Variants in CHODL observed in about 807,000 individuals in gnomAD.
The protein encoded by CHODL is chondrolectin.
CHODL carries 29 observed loss-of-function variants against 34.5 expected under a neutral mutation model. The ratio of observed to expected loss-of-function variants is 0.84; its 90% CI spans 0.63 to 1.15. The LOEUF is 1.15. Ranked by LOEUF, CHODL falls within the 50% of genes most tolerant of loss-of-function variation. CHODL has a pLI of 0.00. For missense variants in CHODL, 332 were observed against 332.5 expected, an observed-to-expected ratio of 1.00 and a Z score of 0.01; for synonymous variants, 125 against 116.1, an observed-to-expected ratio of 1.08 and a Z score of -0.49.
At chr21:18,142,945 G>A (rs556086469) in intron 2 of CHODL, among the ~76,000 whole-genome samples, 1 of 152,114 alleles carries the variant, frequency 6.6e-6, no homozygotes, top group Non-Finnish European at 1.5e-5. Context: ...AAGCCCTAAG[G>A]TTTTAGAATC....
chr21:18,102,671 T>C (rs1433869047), intron 2 of CHODL, among the ~76,000 whole-genome samples: 2 of 152,202 alleles, frequency 1.3e-5, no homozygotes, highest in Admixed American at 6.5e-5. Context: ...TTTATAATTG[T>C]CTAACCCTTT....
Position 18,208,289 on chromosome 21 carries a change from C to T in CHODL, c.-44-48220C>T, listed in dbSNP as rs1464410609. The stretch of plus-strand genomic sequence containing the variant: ...GACTCTGAAACATTCTTCAGTATGT[C>T]AATTGTATTTTTCGACTCCAGAATT... On this transcript the variant is annotated intron_variant, in intron 2 of 6. Coordinates refer to the CHODL transcript ENST00000400127. Among the ~76,000 whole-genome samples, 3 of 151,354 alleles carry T rather than the reference C, an allele frequency of 2.0e-5. No homozygotes were observed. The South Asian group carries it at 6.2e-4, about 31-fold the overall frequency.
chr21:18,251,721 ATAAATATTTATTT>A (rs2074256873), intron 1 of CHODL, among the ~76,000 whole-genome samples: 1 of 141,090 alleles, frequency 7.1e-6, no homozygotes, highest in African/African-American at 2.6e-5. Flanking sequence ...AATATATAAA[ATAAATATTTATTT>A]TATTTATTTT....
At chr21:18,084,248 G>A (rs1336558348) in intron 2 of CHODL, among the ~76,000 whole-genome samples, 1 of 152,024 alleles carries the variant, frequency 6.6e-6, no homozygotes, top group Admixed American at 6.5e-5. Flanking sequence ...AGTTACCTGA[G>A]GCTTCCCAGT....
At chr21:18,195,934 GAGA>G in intron 2 of CHODL, among the ~76,000 whole-genome samples, 1 of 152,132 alleles carries the variant, frequency 6.6e-6, no homozygotes, top group Non-Finnish European at 1.5e-5. Flanking sequence ...GGGTTATGAG[GAGA>G]AGGTCAGAGG....
chr21:18,187,786 T>C (rs972401391), intron 2 of CHODL, among the ~76,000 whole-genome samples: 3 of 152,304 alleles, frequency 2.0e-5, no homozygotes, highest in Admixed American at 1.3e-4. Flanking sequence ...TATCATTGGT[T>C]CCTTCCTCTC....
At chr21:17,986,777 C>T (rs1475670943) in intron 1 of CHODL, among the ~76,000 whole-genome samples, 2 of 152,166 alleles carry the variant, frequency 1.3e-5, no homozygotes, top group East Asian at 3.9e-4. Flanking sequence ...TACACTTCCA[C>T]CAACAGTGTA....
chr21:18,074,415 A>G (rs1007441626), intron 2 of CHODL, among the ~76,000 whole-genome samples: 1 of 152,194 alleles, frequency 6.6e-6, no homozygotes, highest in African/African-American at 2.4e-5. Context: ...TGTTCTGAAG[A>G]ACATTACACA....
intron 2 of CHODL, among the ~76,000 whole-genome samples, chr21:18,217,282 G>A (rs1299143398): frequency 2.0e-5 from 3 of 152,014 alleles, no homozygotes; most frequent in African/African-American, 7.2e-5. Context: ...TAATTCATAT[G>A]GGAAAGAGGT....
In CHODL at chr21:18,207,315, C is replaced by A. The variant is rs140816597; in HGVS notation, c.-44-49194C>A. Among the ~76,000 whole-genome samples, 722 of 152,276 alleles carry A rather than the reference C, an allele frequency of 4.7e-3. 3 individuals carry two copies. The highest frequency in any genetic ancestry group is 7.2e-3 in the Non-Finnish European group (489 of 68,034). On this transcript the variant is annotated intron_variant, in intron 2 of 6. Coordinates refer to the CHODL transcript ENST00000400127. The stretch of plus-strand genomic sequence containing the variant: ...CCATTATTTTAAATTGATGACAACA[C>A]TGATTGCATAAACAAAGATAAAACG...
intron 2 of CHODL, among the ~76,000 whole-genome samples, chr21:18,133,149 T>C (rs906709798): frequency 6.6e-6 from 1 of 152,190 alleles, no homozygotes; most frequent in African/African-American, 2.4e-5. Context: ...TGCAGAAACT[T>C]TAAGGGCTTT....
intron 1 of CHODL, chr21:18,024,889 T>G (rs1173395274): frequency 6.6e-6 from 1 of 152,190 alleles, no homozygotes; most frequent in African/African-American, 2.4e-5. Flanking sequence ...TTTTATATTA[T>G]TAAATAGAAT....
chr21:18,212,367 G>T (rs912390737), intron 2 of CHODL, among the ~76,000 whole-genome samples: 1 of 152,034 alleles, frequency 6.6e-6, no homozygotes, highest in Non-Finnish European at 1.5e-5. Flanking sequence ...AGTTTGAAAA[G>T]GTTACTTTTG....
At chr21:18,103,134 TCTC>T (rs1034123541) in intron 2 of CHODL, among the ~76,000 whole-genome samples, 1 of 152,200 alleles carries the variant, frequency 6.6e-6, no homozygotes, top group African/African-American at 2.4e-5. Context: ...TGTAGCCTCT[TCTC>T]TTATAAAATA....
chr21:18,213,396 T>C (rs1299811275), intron 2 of CHODL, among the ~76,000 whole-genome samples: 1 of 152,126 alleles, frequency 6.6e-6, no homozygotes, highest in Non-Finnish European at 1.5e-5. Context: ...TTATTTAGTA[T>C]ACACCAACTA....
At chr21:18,259,780 C>G (rs772050675) in intron 3 of CHODL, among the ~76,000 whole-genome samples, 15 of 152,120 alleles carry the variant, frequency 9.9e-5, no homozygotes, top group Non-Finnish European at 2.1e-4. Context: ...AAGGGGAAAC[C>G]CAAATAATAC....
At chr21:18,166,323 A>C (rs2073153312) in intron 2 of CHODL, among the ~76,000 whole-genome samples, 1 of 152,182 alleles carries the variant, frequency 6.6e-6, no homozygotes, top group African/African-American at 2.4e-5. Flanking sequence ...GGACAGCCTC[A>C]TTTGGAGGAT....
At chr21:17,959,284 T>A (rs984761875) in intron 1 of CHODL, among the ~76,000 whole-genome samples, 1 of 152,172 alleles carries the variant, frequency 6.6e-6, no homozygotes, top group Non-Finnish European at 1.5e-5. Context: ...AATGAATCCA[T>A]CCCTAATGTC....
chr21:18,104,931 G>GTGT (rs1336356183), intron 2 of CHODL, among the ~76,000 whole-genome samples: 5 of 152,170 alleles, frequency 3.3e-5, no homozygotes, highest in Non-Finnish European at 7.3e-5. Context: ...GCTAATTGAT[G>GTGT]TGTTCTCTAG....
Sources: allele counts gnomAD v4.1 joint callset (sites outside exome capture counted in the v4.1 genomes callset), GRCh38; gene constraint gnomAD v4.1.1; transcripts MANE v1.5; gene names NCBI Gene and HGNC (gene_info 2026-07-23, HGNC 2026-07-21).